The following NIN variants were observed in gnomAD, a reference collection of about 807,000 sequenced individuals.
NIN encodes the protein glycogen synthase kinase 3 beta-interacting protein.
NIN carries 137 observed loss-of-function variants against 257.6 expected under a neutral mutation model. That is an observed-to-expected ratio of 0.53 (90% CI 0.46 to 0.61). The LOEUF is 0.61. NIN is among the 20% of genes least tolerant of loss of function. NIN has a pLI of 0.00. For synonymous variants in NIN, 918 were observed against 919.8 expected (o/e 1.00, Z 0.04); for missense variants, 2,439 against 2,501.2 (o/e 0.98, Z 0.53).
At chr14:50,776,360 C>G (rs566569001) in intron 7 of NIN, among the ~76,000 whole-genome samples, 1 of 152,214 alleles carries the variant, frequency 6.6e-6, no homozygotes, top group South Asian at 2.1e-4. Context: ...AACCAAACTA[C>G]CCTTTACCAT....
At chr14:50,739,211 C>A in intron 26 of NIN, 97 bp downstream of exon 26, 1 of 1,133,734 alleles carries the variant, frequency 8.8e-7, no homozygotes, top group South Asian at 1.6e-5. Context: ...TACTCAAATC[C>A]ATACCTTAGA....
intron 4 of NIN, among the ~76,000 whole-genome samples, chr14:50,797,451 A>G (rs1342913244): frequency 6.6e-6 from 1 of 152,154 alleles, no homozygotes; most frequent in African/African-American, 2.4e-5. Context: ...TTCATGTTAC[A>G]TTGCTGCTGA....
chr14:50,752,472 C>T (rs2041828449), intron 21 of NIN, 46 bp downstream of exon 21: 1 of 1,378,284 alleles, frequency 7.3e-7, no homozygotes, highest in Non-Finnish European at 1.0e-6. Context: ...TCTTCTATTT[C>T]TTGGGATTTC....
chr14:50,779,883 G>C (rs1424146569), intron 5 of NIN, among the ~76,000 whole-genome samples: 1 of 152,204 alleles, frequency 6.6e-6, no homozygotes, highest in African/African-American at 2.4e-5. Context: ...AAGTAGGCTA[G>C]AGAAAGTATA....
At chr14:50,774,296 C>T (rs911055413) in intron 7 of NIN, among the ~76,000 whole-genome samples, 3 of 152,332 alleles carry the variant, frequency 2.0e-5, no homozygotes, top group South Asian at 2.1e-4. Flanking sequence ...AGGATTTATA[C>T]GATCTCACTA....
intron 28 of NIN, among the ~76,000 whole-genome samples, chr14:50,733,708 T>C (rs1410987599): frequency 6.6e-6 from 1 of 152,214 alleles, no homozygotes; most frequent in East Asian, 1.9e-4. Flanking sequence ...ACTTTTCAAT[T>C]TGATACTAGA....
intron 4 of NIN, chr14:50,794,396 C>CA: frequency 1.6e-6 from 1 of 636,720 alleles, no homozygotes; most frequent in Non-Finnish European, 2.0e-6. Context: ...TTTAAGCATA[C>CA]AAAATTTATA....
At chr14:50,777,752 T>C (rs2141875021) in intron 6 of NIN, among the ~76,000 whole-genome samples, 1 of 152,356 alleles carries the variant, frequency 6.6e-6, no homozygotes, top group African/African-American at 2.4e-5. Context: ...ATTTGAAGAC[T>C]TAAGGATCAA....
chr14:50,774,728 T>G (rs1488699160), intron 7 of NIN, among the ~76,000 whole-genome samples: 1 of 152,236 alleles, frequency 6.6e-6, no homozygotes, highest in African/African-American at 2.4e-5. Flanking sequence ...CCTTGTGACA[T>G]TAGCCAAATC....
chr14:50,819,989 T>C (rs1212240438), intron 3 of NIN, among the ~76,000 whole-genome samples: 2 of 152,150 alleles, frequency 1.3e-5, no homozygotes, highest in Admixed American at 1.3e-4. Flanking sequence ...ATATAGAGTA[T>C]CTTAATAGCA....
At chr14:50,735,476 CAT>C in intron 28 of NIN, 38 bp downstream of exon 28, 1 of 1,603,442 alleles carries the variant, frequency 6.2e-7, no homozygotes, top group Non-Finnish European at 8.5e-7. Flanking sequence ...CATGGATTAA[CAT>C]ATTCTTCATA....
rs1158182261 is a variant in NIN at position 50,741,720 on chromosome 14, A to C, written c.5310T>G (p.Asn1770Lys). The change falls in exon 25 of 31, where the codon AAT becomes AAG. Residue 1770 changes from asparagine to lysine, a missense_variant. Around this residue, in one of 3 missense-constraint regions of NIN, gnomAD observed 2,043 missense variants for 2,050.2 expected, o/e 1.00. Coordinates refer to ENST00000530997, the MANE Select transcript of NIN (RefSeq NM_020921.4). ...QLVASQEKVQNLEDTVQNVNL... is the reference protein window; with the variant it reads ...QLVASQEKVQKLEDTVQNVNL... ...TTACATTCTGCACGGTGTCTTCTAA[A>C]TTCTGAACCTGTATTGTGAGAATGA... The C allele has an allele frequency of 6.2e-7, 1 of 1,613,582 alleles. No individual in the cohort carries two copies. Among genetic ancestry groups the C allele is most frequent in the Non-Finnish European group, 8.5e-7 (1 of 1,179,912 alleles).
At chr14:50,733,742 C>T (rs556854331) in intron 28 of NIN, among the ~76,000 whole-genome samples, 1 of 152,270 alleles carries the variant, frequency 6.6e-6, no homozygotes, top group East Asian at 1.9e-4. Flanking sequence ...TTTTAGACAT[C>T]TTATTCCTCA....
rs2040269657 is a variant in NIN, at chr14:50,721,487, A to C, written c.*1976T>G. Reference sequence around the variant, plus strand: ...AATAACTTTGAGTAACTTGACACATATCACATAAATACACTACAGGTACTT... The same window carrying C: ...AATAACTTTGAGTAACTTGACACATCTCACATAAATACACTACAGGTACTT... On this transcript the variant is annotated 3_prime_UTR_variant, in exon 31 of 31. Transcript: ENST00000530997. 4.6e-6 allele frequency: 1 copy of C among 217,220 alleles called. No homozygotes were observed. The highest frequency in any genetic ancestry group is 2.3e-5 in the African/African-American group (1 of 44,434). The allele number at this position is 217,220 out of a possible 1,614,324, so 13.5% of individuals were successfully genotyped here.
intron 3 of NIN, among the ~76,000 whole-genome samples, chr14:50,820,259 C>T (rs1293410157): frequency 1.3e-5 from 2 of 152,134 alleles, no homozygotes; most frequent in African/African-American, 4.8e-5. Context: ...AGTGTCAAGT[C>T]GTTAACAAAT....
intron 3 of NIN, among the ~76,000 whole-genome samples, chr14:50,811,829 T>C (rs905114220): frequency 3.3e-5 from 5 of 151,722 alleles, no homozygotes; most frequent in South Asian, 2.1e-4. Flanking sequence ...CCCGTCTCTA[T>C]TAAAAATACA....
chr14:50,724,785 T>TC (rs145609582), intron 30 of NIN, among the ~76,000 whole-genome samples: 4,622 of 152,168 alleles, frequency 0.03, 243 homozygotes, highest in African/African-American at 0.11. Context: ...AGGATACCCT[T>TC]CCCCACACTT....
intron 4 of NIN, among the ~76,000 whole-genome samples, chr14:50,796,229 C>T (rs1372238574): frequency 6.6e-6 from 1 of 152,170 alleles, no homozygotes; most frequent in African/African-American, 2.4e-5. Flanking sequence ...GTCTCAGACC[C>T]CATCCCTGGA....
chr14:50,752,243 T>C (rs950679378), intron 21 of NIN, among the ~76,000 whole-genome samples: 1 of 152,130 alleles, frequency 6.6e-6, no homozygotes, highest in African/African-American at 2.4e-5. Flanking sequence ...TTTATCTATT[T>C]CCGAATGTCT....
Sources: gnomAD v4.1 joint callset for allele counts (sites outside exome capture counted in the v4.1 genomes callset) on GRCh38, gnomAD v4.1.1 for gene constraint, gnomAD v4.1.1 regional missense constraint, MANE v1.5 for transcripts, NCBI Gene and HGNC (gene_info 2026-07-23, HGNC 2026-07-21) for gene names.